The following ASTN1 variants were observed in gnomAD, a reference collection of about 807,000 sequenced individuals.
The protein encoded by ASTN1 is astrotactin-1.
ASTN1 carries 41 observed loss-of-function variants against 140.7 expected under a neutral mutation model. The ratio of observed to expected loss-of-function variants is 0.29; its 90% confidence interval spans 0.23 to 0.38. ASTN1 has a LOEUF of 0.38. ASTN1 is among the 10% of genes least tolerant of loss of function. The pLI is 1.00. For synonymous variants in ASTN1, 640 were observed against 652.2 expected, an observed-to-expected ratio of 0.98 and a Z score of 0.29; for missense variants, 1,479 against 1,678.8, an observed-to-expected ratio of 0.88 and a Z score of 2.08.
intron 8 of ASTN1, among the ~76,000 whole-genome samples, chr1:176,996,755 A>G (rs1674471944): frequency 6.6e-6 from 1 of 152,148 alleles, no homozygotes; most frequent in Admixed American, 6.5e-5. Flanking sequence ...TGTGAAGACT[A>G]ATGACTTCAA....
At chr1:177,059,398 C>T (rs1677971147) in intron 2 of ASTN1, among the ~76,000 whole-genome samples, 1 of 152,178 alleles carries the variant, frequency 6.6e-6, no homozygotes, top group Non-Finnish European at 1.5e-5. Context: ...AGAAGACAAC[C>T]TTCTCACAGA....
At chr1:176,870,677 C>G (rs1169679652) in intron 21 of ASTN1, among the ~76,000 whole-genome samples, 4 of 152,138 alleles carry the variant, frequency 2.6e-5, no homozygotes, top group Non-Finnish European at 4.4e-5. Flanking sequence ...CCTGTAGCAA[C>G]CAAACTTGCA....
At chr1:177,081,237 G>A (rs1291378071) in intron 1 of ASTN1, among the ~76,000 whole-genome samples, 1 of 152,078 alleles carries the variant, frequency 6.6e-6, no homozygotes, top group Non-Finnish European at 1.5e-5. Flanking sequence ...ATCACTGGTG[G>A]GCTATGTGAA....
intron 8 of ASTN1, among the ~76,000 whole-genome samples, chr1:176,983,759 T>A (rs1673745682): frequency 6.6e-6 from 1 of 152,240 alleles, no homozygotes; most frequent in Non-Finnish European, 1.5e-5. Flanking sequence ...TGCATCTCAG[T>A]GCCCCTGTAC....
At chr1:176,915,739 G>A (rs1557956998) in intron 16 of ASTN1, among the ~76,000 whole-genome samples, 1 of 152,144 alleles carries the variant, frequency 6.6e-6, no homozygotes, top group Non-Finnish European at 1.5e-5. Flanking sequence ...CTTAATGCAG[G>A]CGGTGTGATG....
At chr1:177,120,964 GA>G (rs1681352842) in intron 1 of ASTN1, among the ~76,000 whole-genome samples, 1 of 152,180 alleles carries the variant, frequency 6.6e-6, no homozygotes, top group Admixed American at 6.5e-5. Context: ...TTTGGAAATG[GA>G]AGATGCTTAG....
rs115739603 is a variant in ASTN1 at position 176,863,407 on chromosome 1, A to G, written c.*877T>C. 5.1e-6 allele frequency: 5 copies of G among 985,734 alleles called. No homozygotes were observed. The highest frequency in any genetic ancestry group is 4.8e-6 in the Non-Finnish European group (4 of 829,926). 61.1% of individuals were successfully genotyped at this position (985,734 alleles called of 1,614,324 possible). ...AAAGATAATCCAGGCACATGGATAT[A>G]TATTGGTAGGCTGGAGAAGTCTATC... On this transcript the variant is annotated 3_prime_UTR_variant, in exon 23 of 23. Transcript: ENST00000361833.
intron 7 of ASTN1, among the ~76,000 whole-genome samples, chr1:177,023,072 T>C (rs1225861062): frequency 6.6e-6 from 1 of 152,210 alleles, no homozygotes; most frequent in Admixed American, 6.5e-5. Flanking sequence ...TTTTCTACAA[T>C]AAACATGCAT....
rs1291633822 is a variant in ASTN1 at position 176,861,449 on chromosome 1, C to T, written c.*2835G>A. ...TAAGACCTGTTTGGCAGCTTGAAAACTCAAGGTTGAATACCGGTCCAGTAC... is the reference window on the plus strand; with the variant it reads ...TAAGACCTGTTTGGCAGCTTGAAAATTCAAGGTTGAATACCGGTCCAGTAC... On this transcript the variant is annotated 3_prime_UTR_variant, in exon 23 of 23. Transcript: ENST00000361833. The T allele has an allele frequency of 3.0e-6, 3 of 985,824 alleles. No homozygotes were observed. Among genetic ancestry groups the T allele is most frequent in the East Asian group, 1.1e-4 (1 of 8,796 alleles). The allele number at this position is 985,824 out of a possible 1,614,324, so 61.1% of individuals were successfully genotyped here.
intron 16 of ASTN1, among the ~76,000 whole-genome samples, chr1:176,924,842 C>T (rs149113477): frequency 1.4e-4 from 22 of 152,236 alleles, no homozygotes; most frequent in Non-Finnish European, 2.9e-4. Context: ...TTCCCATCAA[C>T]CAAAATACTA....
downstream of ASTN1, among the ~76,000 whole-genome samples, chr1:176,860,610 T>C (rs1038439917): frequency 4.5e-5 from 6 of 134,622 alleles, no homozygotes; most frequent in Non-Finnish European, 8.8e-5. Flanking sequence ...TTTTGCAACA[T>C]TTTTCTTCAA....
chr1:177,112,370 C>T (rs906547210), intron 1 of ASTN1, among the ~76,000 whole-genome samples: 7 of 152,328 alleles, frequency 4.6e-5, no homozygotes, highest in Admixed American at 2.0e-4. Flanking sequence ...ACCTCTCGCT[C>T]CTATCCGCCA....
chr1:176,867,951 C>CTTCCTTCT (rs1463908274), intron 22 of ASTN1, among the ~76,000 whole-genome samples: 1 of 149,198 alleles, frequency 6.7e-6, no homozygotes, highest in Non-Finnish European at 1.5e-5. Context: ...TCCTTGTTTG[C>CTTCCTTCT]TTCCTTCTTT....
chr1:177,066,518 T>C (rs1301666619), intron 1 of ASTN1, among the ~76,000 whole-genome samples: 1 of 152,174 alleles, frequency 6.6e-6, no homozygotes, highest in East Asian at 1.9e-4. Context: ...ATTAGGACAC[T>C]GGAAACTTTG....
intron 22 of ASTN1, among the ~76,000 whole-genome samples, chr1:176,865,365 G>T (rs959714753): frequency 1.3e-5 from 2 of 152,144 alleles, no homozygotes; most frequent in African/African-American, 4.8e-5. Flanking sequence ...GGAAAGGACT[G>T]GCAACACCAT....
At chr1:177,034,230 G>A (rs1024600595) in intron 2 of ASTN1, among the ~76,000 whole-genome samples, 4 of 135,546 alleles carry the variant, frequency 3.0e-5, no homozygotes, top group African/African-American at 5.6e-5. Context: ...TCTCACCATC[G>A]CTGTGAGCAA....
At chr1:176,943,647 T>G (rs1268075748) in intron 14 of ASTN1, among the ~76,000 whole-genome samples, 1 of 152,134 alleles carries the variant, frequency 6.6e-6, no homozygotes, top group Non-Finnish European at 1.5e-5. Flanking sequence ...TTTCAATGCA[T>G]CTCTGTGAAA....
chr1:176,915,219 C>T (rs895478477), intron 16 of ASTN1, among the ~76,000 whole-genome samples: 7 of 152,132 alleles, frequency 4.6e-5, no homozygotes, highest in Non-Finnish European at 7.4e-5. Context: ...GGGAAATACC[C>T]TAATAGTTAC....
intron 8 of ASTN1, among the ~76,000 whole-genome samples, chr1:176,986,819 A>G (rs1196185459): frequency 1.3e-5 from 2 of 152,242 alleles, no homozygotes; most frequent in Admixed American, 6.5e-5. Flanking sequence ...TCTTAAAAAG[A>G]TGAAAAGAAT....
Sources: allele counts gnomAD v4.1 joint callset (sites outside exome capture counted in the v4.1 genomes callset), GRCh38; gene constraint gnomAD v4.1.1; transcripts MANE v1.5; gene names NCBI Gene and HGNC (gene_info 2026-07-23, HGNC 2026-07-21).